Variants in BEGAIN observed in about 807,000 individuals in gnomAD.
BEGAIN encodes the protein brain-enriched guanylate kinase-associated protein.
Under a neutral mutation model 35.8 loss-of-function variants are expected in BEGAIN, and 19 were observed. The ratio of observed to expected loss-of-function variants is 0.53; its 90% CI spans 0.37 to 0.78. The LOEUF is 0.78. BEGAIN is among the 30% of genes least tolerant of loss of function. BEGAIN has a pLI of 0.00. For synonymous variants in BEGAIN, 462 were observed against 388.6 expected (o/e 1.19, Z -2.22); for missense variants, 795 against 853.6 (o/e 0.93, Z 0.85).
chr14:100,576,510 C>T (rs867144088), intron 1 of BEGAIN, among the ~76,000 whole-genome samples: 1 of 152,236 alleles, frequency 6.6e-6, no homozygotes, highest in Non-Finnish European at 1.5e-5. Flanking sequence ...AACAGACCCC[C>T]TCCCGGCAGG....
chr14:100,551,122 T>G (rs1304035751), intron 2 of BEGAIN, among the ~76,000 whole-genome samples: 1 of 152,164 alleles, frequency 6.6e-6, no homozygotes, highest in Non-Finnish European at 1.5e-5. Context: ...CTGGCAGATG[T>G]TAGGGATCCG....
At position 100,556,880 on chromosome 14, in the gene BEGAIN, C is replaced by T. The variant is rs546124230; in HGVS notation, c.72-10218G>A. On this transcript the variant is annotated intron_variant, in intron 2 of 6. Coordinates refer to ENST00000554140, the MANE Select transcript of BEGAIN (RefSeq NM_001385089.1). ...GCCGCCCGGGGCAGCAGGCTATGTC[C>T]CTGGGCATCCCTCCATGCCCCCTCT... 7.2e-5 allele frequency among the ~76,000 whole-genome samples: 11 copies of T among 152,290 alleles called. No homozygotes were observed. In the South Asian group the frequency reaches 1.4e-3, roughly 20 times the overall value.
Position 100,563,032 on chromosome 14 carries a change from G to A in BEGAIN, c.71+4879C>T, listed in dbSNP as rs779492282. Among the ~76,000 whole-genome samples, 32 of 152,042 alleles carry A rather than the reference G, an allele frequency of 2.1e-4. No homozygotes were observed. The highest frequency in any genetic ancestry group is 7.0e-4 in the African/African-American group (29 of 41,552). On this transcript the variant is annotated intron_variant, in intron 2 of 6. Transcript: ENST00000554140. This position sits in a 1 kb window ranked among gnomAD's most constrained non-coding sequence, Gnocchi z 4.2. ...TTGGGTGGGAGAGGGTGCCCTTTGA[G>A]GGGGGGCGTGGAGGGGCAGGGCAGG...
chr14:100,563,657 G>A lies in BEGAIN; in HGVS notation c.71+4254C>T, dbSNP rs750035585. Among the ~76,000 whole-genome samples, 1 of 152,202 alleles carries A rather than the reference G, an allele frequency of 6.6e-6. No homozygotes were observed. The highest frequency in any genetic ancestry group is 1.5e-5 in the Non-Finnish European group (1 of 68,046). ...AGAAGCGGTTTCAAGAGTCTGTTCC[G>A]ATCTTCCAGAGCTGACCCTATGCGC... On this transcript the variant is annotated intron_variant, in intron 2 of 6. Transcript: ENST00000554140. This position sits in a 1 kb window ranked among gnomAD's most constrained non-coding sequence, Gnocchi z 4.2.
intron 1 of BEGAIN, among the ~76,000 whole-genome samples, chr14:100,581,158 G>A (rs911632991): frequency 6.6e-6 from 1 of 152,172 alleles, no homozygotes; most frequent in African/African-American, 2.4e-5. Context: ...GCAGTACTCA[G>A]CCCATGGCAG....
chr14:100,581,669 C>T lies in BEGAIN; in HGVS notation c.42+5580G>A, dbSNP rs75806958. 3.3e-3 allele frequency among the ~76,000 whole-genome samples: 509 copies of T among 152,370 alleles called. 17 individuals are homozygous for T. The East Asian group carries it at 0.086, about 26-fold the overall frequency. ...AGGTGCAGTGACCCGTCGGAGGTCA[C>T]ATGGCTTGGGCATGTCAGGCCCAGG... On this transcript the variant is annotated intron_variant, in intron 1 of 6. Coordinates refer to ENST00000554140, the MANE Select transcript of BEGAIN (RefSeq NM_001385089.1).
intron 2 of BEGAIN, 112 bp from the exon 3 acceptor site, chr14:100,546,774 GCGCGCGCACACACACACACACACA>G: frequency 1.3e-6 from 1 of 756,576 alleles, no homozygotes; most frequent in Non-Finnish European, 1.9e-6. Context: ...GCGCGCGCGC[GCGCGCGCACACACACACACACACA>G]CACACACACA....
chr14:100,575,464 G>A (rs1194337208), intron 1 of BEGAIN, among the ~76,000 whole-genome samples: 1 of 152,192 alleles, frequency 6.6e-6, no homozygotes, highest in Non-Finnish European at 1.5e-5. Flanking sequence ...TGTGACTTGA[G>A]CCAGGGCACA....
chr14:100,560,052 T>C (rs1011392705), intron 2 of BEGAIN, among the ~76,000 whole-genome samples: 4 of 152,150 alleles, frequency 2.6e-5, no homozygotes, highest in African/African-American at 7.2e-5. Context: ...GAGAGGGTCA[T>C]GTGGACTATT....
At position 100,568,962 on chromosome 14, in the gene BEGAIN, G is replaced by T; in HGVS notation, c.43-1023C>A. On this transcript the variant is annotated intron_variant, in intron 1 of 6. Coordinates refer to ENST00000554140, the MANE Select transcript of BEGAIN (RefSeq NM_001385089.1). The surrounding 1 kb of genome is among the most constrained non-coding windows in gnomAD (Gnocchi z 7.5). ...CCGGGCGCCGCCGCCGCGTCCGCCGGGAGCGCGCTCCGCTCGGGTCCGGGC... is the reference window on the plus strand; with the variant it reads ...CCGGGCGCCGCCGCCGCGTCCGCCGTGAGCGCGCTCCGCTCGGGTCCGGGC... The T allele has an allele frequency of 1.0e-6, 1 of 983,348 alleles. No homozygotes were observed. Among genetic ancestry groups the T allele is most frequent in the South Asian group, 4.7e-5 (1 of 21,310 alleles). The allele number at this position is 983,348 out of a possible 1,614,324, so 60.9% of individuals were successfully genotyped here. A position where few individuals can be genotyped will look rare whatever the true frequency, so the allele number is the denominator to read the frequency against.
chr14:100,577,155 A>T (rs1395787069), intron 1 of BEGAIN, among the ~76,000 whole-genome samples: 2 of 152,228 alleles, frequency 1.3e-5, no homozygotes, highest in East Asian at 1.9e-4. Context: ...CAAAGCCAGA[A>T]ATTTCACCTT....
At chr14:100,571,675 G>C (rs769412205) in intron 1 of BEGAIN, among the ~76,000 whole-genome samples, 1 of 152,112 alleles carries the variant, frequency 6.6e-6, no homozygotes, top group Non-Finnish European at 1.5e-5. Context: ...TGTGCCACCT[G>C]TCAGGCCTCC....
At chr14:100,555,553 C>T (rs1044937312) in intron 2 of BEGAIN, among the ~76,000 whole-genome samples, 2 of 152,242 alleles carry the variant, frequency 1.3e-5, no homozygotes, top group Non-Finnish European at 2.9e-5. Flanking sequence ...TACCCCACCC[C>T]GTTTTCCAGA....
intron 1 of BEGAIN, among the ~76,000 whole-genome samples, chr14:100,582,966 C>T (rs557689358): frequency 1.3e-5 from 2 of 151,596 alleles, no homozygotes; most frequent in East Asian, 3.9e-4. Flanking sequence ...GAAATCAAGG[C>T]ATGAGTGACC....
intron 2 of BEGAIN, chr14:100,546,895 C>G (rs988820044): frequency 4.8e-6 from 2 of 412,534 alleles, no homozygotes; most frequent in African/African-American, 4.2e-5. Context: ...CCAGTCTGGC[C>G]TGGGCGGTTC....
chr14:100,562,151 G>C (rs569375214), intron 2 of BEGAIN, among the ~76,000 whole-genome samples: 123 of 152,256 alleles, frequency 8.1e-4, no homozygotes, highest in African/African-American at 2.8e-3. Flanking sequence ...GGGGTAGTGG[G>C]TGGGTTGGAG....
intron 1 of BEGAIN, among the ~76,000 whole-genome samples, chr14:100,576,585 C>A (rs1595151130): frequency 6.6e-6 from 1 of 152,188 alleles, no homozygotes; most frequent in Admixed American, 6.5e-5. Context: ...CCGTCTCCAT[C>A]CTGTGTTGGG....
chr14:100,577,963 C>A, intron 1 of BEGAIN: 1 of 399,258 alleles, frequency 2.5e-6, no homozygotes, highest in South Asian at 1.3e-4. Context: ...CCTCCTGAGT[C>A]AGTCCAAGGT....
chr14:100,582,717 C>T lies in BEGAIN; in HGVS notation c.42+4532G>A, dbSNP rs139111811. Among the ~76,000 whole-genome samples, 494 of 152,210 alleles carry T rather than the reference C, an allele frequency of 3.2e-3. 2 individuals carry two copies. The highest frequency in any genetic ancestry group is 0.011 in the African/African-American group (465 of 41,532). On this transcript the variant is annotated intron_variant, in intron 1 of 6. Transcript: ENST00000554140. The stretch of plus-strand genomic sequence containing the variant: ...CGCCCCTGTAGGAACCCCGGCTGGC[C>T]GCTGACCTTTCGAAGAGGTCTCACT...
Sources: gnomAD v4.1 joint callset for allele counts (sites outside exome capture counted in the v4.1 genomes callset) on GRCh38, gnomAD v4.1.1 for gene constraint, Gnocchi (gnomAD v3.1) non-coding constraint, MANE v1.5 for transcripts, NCBI Gene and HGNC (gene_info 2026-07-23, HGNC 2026-07-21) for gene names.